Variants in SLC23A2 observed in about 807,000 individuals in gnomAD.
The protein encoded by SLC23A2 is solute carrier family 23 member 2.
SLC23A2 carries 36 observed loss-of-function variants against 73.3 expected under a neutral mutation model. That is an observed-to-expected ratio of 0.49 (90% confidence interval 0.38 to 0.65). The LOEUF is 0.65. Ranked by LOEUF, SLC23A2 falls within the 30% of genes least tolerant of loss-of-function variation. The probability of loss-of-function intolerance (pLI) is 0.00; values close to 1 mark genes in which losing one functional copy is unlikely to be tolerated. For missense variants in SLC23A2, 507 were observed against 841.6 expected, an observed-to-expected ratio of 0.60 and a Z score of 4.92; for synonymous variants, 343 against 327.3, an observed-to-expected ratio of 1.05 and a Z score of -0.52.
At chr20:4,977,185 G>C (rs569403594) in intron 1 of SLC23A2, among the ~76,000 whole-genome samples, 14 of 152,188 alleles carry the variant, frequency 9.2e-5, no homozygotes, top group Admixed American at 8.5e-4. Flanking sequence ...AAATAGTTAT[G>C]ATCTATTACA....
intron 6 of SLC23A2, among the ~76,000 whole-genome samples, chr20:4,894,754 T>G (rs965276953): frequency 1.3e-5 from 2 of 152,232 alleles, no homozygotes; most frequent in Non-Finnish European, 2.9e-5. Context: ...CTGTGTCTTC[T>G]GCAAAGACAC....
intron 4 of SLC23A2, among the ~76,000 whole-genome samples, chr20:4,911,382 A>C (rs1346210274): frequency 6.6e-6 from 1 of 152,170 alleles, no homozygotes; most frequent in East Asian, 1.9e-4. Flanking sequence ...CATATCCCAG[A>C]CTGGAATTTT....
chr20:4,860,111 T>C (rs1929897521), intron 15 of SLC23A2, among the ~76,000 whole-genome samples: 1 of 152,224 alleles, frequency 6.6e-6, no homozygotes, highest in African/African-American at 2.4e-5. Flanking sequence ...GACCCAATTA[T>C]TCCACTCTTA....
At position 4,899,803 on chromosome 20, in the gene SLC23A2, A is replaced by G. The variant is rs1234152817; in HGVS notation, c.325-91T>C. On this transcript the variant is annotated intron_variant, in intron 5 of 16. Coordinates refer to ENST00000338244, the MANE Select transcript of SLC23A2 (RefSeq NM_005116.6). This position sits in a 1 kb window ranked among gnomAD's most constrained non-coding sequence, Gnocchi z 4.9. The stretch of plus-strand genomic sequence containing the variant: ...CTAATTCTTCTCTCTTATTGTCGTT[A>G]AAAAATAGCCCACATAAAGAATCTC... The G allele has an allele frequency of 1.5e-6, 2 of 1,308,796 alleles. No individual in the cohort carries two copies. The highest frequency in any genetic ancestry group is 3.0e-5 in the African/African-American group (2 of 67,724). The allele number at this position is 1,308,796 out of a possible 1,614,324, so 81.1% of individuals were successfully genotyped here.
At chr20:5,005,202 G>A (rs984480002), upstream of SLC23A2, among the ~76,000 whole-genome samples, 7 of 150,530 alleles carry the variant, frequency 4.7e-5, no homozygotes, top group African/African-American at 7.3e-5. Context: ...GTCTTTCAAC[G>A]TCTTACAAGG....
rs1930064889 is a variant in SLC23A2, at chr20:4,863,412, C to T, written c.1357-505G>A. Among the ~76,000 whole-genome samples, 2 of 152,344 alleles carry T rather than the reference C, an allele frequency of 1.3e-5. No individual in the cohort carries two copies. Among genetic ancestry groups the T allele is most frequent in the Non-Finnish European group, 1.5e-5 (1 of 68,028 alleles). On this transcript the variant is annotated intron_variant, in intron 13 of 16. Coordinates refer to ENST00000338244, the MANE Select transcript of SLC23A2 (RefSeq NM_005116.6). The surrounding 1 kb of genome is among the most constrained non-coding windows in gnomAD (Gnocchi z 4.8). ...GCCTGACTGCGGGCTCTTCTCCTGG[C>T]CCACGTCTGACTGTATGGTCGGGCC... is the stretch of plus-strand genomic sequence containing the variant.
chr20:4,966,809 T>TACACACACACACACACACAC (rs56931121), intron 2 of SLC23A2, among the ~76,000 whole-genome samples: 1 of 109,754 alleles, frequency 9.1e-6, no homozygotes, highest in African/African-American at 3.1e-5. Flanking sequence ...TTGATAGTTT[T>TACACACACACACACACACAC]ACACACACAC....
At chr20:4,953,860 G>A (rs1417782483) in intron 2 of SLC23A2, among the ~76,000 whole-genome samples, 1 of 152,094 alleles carries the variant, frequency 6.6e-6, no homozygotes, top group East Asian at 1.9e-4. Context: ...CTGCACACCA[G>A]CCTCAGCGAC....
intron 2 of SLC23A2, among the ~76,000 whole-genome samples, chr20:4,938,724 G>A (rs1429226295): frequency 6.6e-6 from 1 of 152,130 alleles, no homozygotes; most frequent in African/African-American, 2.4e-5. Context: ...TCCTAATTTA[G>A]AGTGACACCC....
intron 2 of SLC23A2, among the ~76,000 whole-genome samples, chr20:4,960,482 A>C (rs1212823840): frequency 2.0e-5 from 3 of 152,230 alleles, no homozygotes; most frequent in African/African-American, 7.2e-5. Flanking sequence ...AGAATATCTA[A>C]GTTATGCTAT....
intron 2 of SLC23A2, among the ~76,000 whole-genome samples, chr20:4,957,101 C>G (rs1414797642): frequency 6.6e-6 from 1 of 151,950 alleles, no homozygotes; most frequent in Non-Finnish European, 1.5e-5. Flanking sequence ...GTTACTGCGC[C>G]CGGCCTCCTT....
Position 4,853,059 on chromosome 20 carries a change from G to A in SLC23A2, c.*3913C>T, listed in dbSNP as rs1929584052. 1 of 152,262 alleles carries A rather than the reference G, an allele frequency of 6.6e-6. No homozygotes were observed. Among genetic ancestry groups the A allele is most frequent in the South Asian group, 2.1e-4 (1 of 4,836 alleles). 9.4% of individuals were successfully genotyped at this position (152,262 alleles called of 1,614,324 possible). ...GTCCCTGTGTCTAAAAAGTCATGAG[G>A]GGACAGAGTACAACAGGCAGCACGT... On this transcript the variant is annotated 3_prime_UTR_variant, in exon 17 of 17. Coordinates refer to ENST00000338244, the MANE Select transcript of SLC23A2 (RefSeq NM_005116.6).
At chr20:4,898,699 C>G (rs1488341547) in intron 6 of SLC23A2, among the ~76,000 whole-genome samples, 1 of 152,212 alleles carries the variant, frequency 6.6e-6, no homozygotes, top group Non-Finnish European at 1.5e-5. Flanking sequence ...GTTTCTCTTC[C>G]TTCCTGTGCC....
intron 13 of SLC23A2, among the ~76,000 whole-genome samples, chr20:4,865,845 A>C (rs946560731): frequency 3.3e-5 from 5 of 151,254 alleles, no homozygotes; most frequent in Non-Finnish European, 7.4e-5. Flanking sequence ...TTTATTTTTT[A>C]TTTTGGAGTC....
At chr20:4,988,902 C>T (rs1266327272) in intron 1 of SLC23A2, among the ~76,000 whole-genome samples, 1 of 151,636 alleles carries the variant, frequency 6.6e-6, no homozygotes, top group African/African-American at 2.4e-5. Context: ...AAGAGTGAGA[C>T]TCTGTCAAGG....
intron 1 of SLC23A2, among the ~76,000 whole-genome samples, chr20:5,009,672 C>T (rs2088227609): frequency 6.6e-6 from 1 of 152,026 alleles, no homozygotes; most frequent in African/African-American, 2.4e-5. Flanking sequence ...ACAGGGGCTG[C>T]CCGCTGATGA....
chr20:4,976,506 T>C (rs1242723181), intron 1 of SLC23A2, among the ~76,000 whole-genome samples: 5 of 150,904 alleles, frequency 3.3e-5, no homozygotes, highest in African/African-American at 1.2e-4. Context: ...TGAAACCCCA[T>C]CACTACTAAA....
intron 3 of SLC23A2, among the ~76,000 whole-genome samples, chr20:4,921,775 A>T (rs1211129322): frequency 6.6e-6 from 1 of 152,216 alleles, no homozygotes; most frequent in Non-Finnish European, 1.5e-5. Flanking sequence ...AAATGAAGAA[A>T]GTTACACAAA....
chr20:4,965,966 C>CAAAAAA (rs3055921), intron 2 of SLC23A2, among the ~76,000 whole-genome samples: 1 of 100,058 alleles, frequency 1.0e-5, no homozygotes. Flanking sequence ...GACTCCATCT[C>CAAAAAA]AAAAAAAAAA....
Sources: allele counts gnomAD v4.1 joint callset (sites outside exome capture counted in the v4.1 genomes callset), GRCh38; gene constraint gnomAD v4.1.1; non-coding constraint Gnocchi (gnomAD v3.1); transcripts MANE v1.5; gene names NCBI Gene and HGNC (gene_info 2026-07-23, HGNC 2026-07-21).